Variants in POTEF observed in about 807,000 individuals in gnomAD.
POTEF encodes ANKRD26-like family C member 1B.
In POTEF, 20 loss-of-function variants were observed where a neutral mutation model predicts 83.2. The ratio of observed to expected loss-of-function variants is 0.24; its 90% CI spans 0.17 to 0.35. POTEF has a LOEUF of 0.35. Ranked by LOEUF, POTEF falls within the 10% of genes least tolerant of loss-of-function variation. The pLI is 1.00. For synonymous variants in POTEF, 196 were observed against 446.4 expected, an observed-to-expected ratio of 0.44 and a Z score of 7.07; for missense variants, 550 against 1,203.2, an observed-to-expected ratio of 0.46 and a Z score of 8.03.
chr2:130,127,887 G>GT (rs1166171522), intron 1 of POTEF, 23 bp from the exon 2 acceptor site: 1 of 145,380 alleles, frequency 6.9e-6, no homozygotes, highest in African/African-American at 2.6e-5. Context: ...GCAGGGAGTG[G>GT]TAACGTTAGA....
intron 7 of POTEF, among the ~76,000 whole-genome samples, chr2:130,108,999 G>T (rs1413258129): frequency 6.6e-6 from 1 of 151,180 alleles, no homozygotes; most frequent in South Asian, 2.1e-4. Flanking sequence ...CTGACATTCT[G>T]TAATTTTCGA....
chr2:130,109,895 C>G (rs1684660672), intron 7 of POTEF, among the ~76,000 whole-genome samples: 1 of 151,348 alleles, frequency 6.6e-6, no homozygotes, highest in Middle Eastern at 3.4e-3. Context: ...GGAACAATGG[C>G]TGAGCATATA....
At chr2:130,127,365 ACACACAGTCACC>A (rs1441382863) in intron 2 of POTEF, among the ~76,000 whole-genome samples, 19 of 138,472 alleles carry the variant, frequency 1.4e-4, no homozygotes, top group African/African-American at 5.4e-4. Context: ...ACACACACAC[ACACACAGTCACC>A]CCCTAAATTT....
chr2:130,084,183 T>C (rs1318047885), intron 15 of POTEF, among the ~76,000 whole-genome samples: 2 of 87,210 alleles, frequency 2.3e-5, no homozygotes, highest in Non-Finnish European at 4.6e-5. Context: ...ATGAAGTCAC[T>C]GGAAAAATAT....
intron 11 of POTEF, among the ~76,000 whole-genome samples, chr2:130,094,707 GA>G (rs1484559263): frequency 4.6e-4 from 16 of 34,678 alleles, no homozygotes; most frequent in African/African-American, 1.9e-3. Flanking sequence ...TGAGGCAGGA[GA>G]AATGCATGAA....
intron 16 of POTEF, among the ~76,000 whole-genome samples, 155 bp downstream of exon 16, chr2:130,076,926 C>T (rs1160449038): frequency 6.7e-6 from 1 of 148,192 alleles, no homozygotes; most frequent in African/African-American, 2.6e-5. Context: ...AAGAACATGG[C>T]TTTATCCTAT....
intron 2 of POTEF, among the ~76,000 whole-genome samples, chr2:130,127,324 C>CAAAAA (rs57173649): frequency 1.6e-4 from 2 of 12,442 alleles, no homozygotes; most frequent in Non-Finnish European, 2.7e-4. Flanking sequence ...GACTCTGTCT[C>CAAAAA]AAAAAAAAAA....
At chr2:130,113,289 C>T (rs1276981154) in intron 5 of POTEF, among the ~76,000 whole-genome samples, 4 of 115,054 alleles carry the variant, frequency 3.5e-5, no homozygotes, top group Non-Finnish European at 7.2e-5. Context: ...CTGCAGTGAG[C>T]TGTGATCACA....
intron 8 of POTEF, 54 bp downstream of exon 8, chr2:130,107,955 T>C: frequency 6.2e-7 from 1 of 1,606,504 alleles, no homozygotes; most frequent in African/African-American, 1.4e-5. Context: ...CGGTCCCTGG[T>C]GTCAAAAAGA....
intron 8 of POTEF, among the ~76,000 whole-genome samples, chr2:130,103,957 T>C (rs1478716062): frequency 7.1e-6 from 1 of 139,866 alleles, no homozygotes; most frequent in Non-Finnish European, 1.5e-5. Flanking sequence ...AGTCAGATTA[T>C]GAAAGCCTTA....
chr2:130,127,111 G>A (rs1653043510), intron 2 of POTEF, among the ~76,000 whole-genome samples: 1 of 151,674 alleles, frequency 6.6e-6, no homozygotes. Context: ...CATGAGGTCA[G>A]GTGATCTAGA....
chr2:130,102,267 CA>C, intron 8 of POTEF, 87 bp from the exon 9 acceptor site: 1 of 1,260,120 alleles, frequency 7.9e-7, no homozygotes, highest in Non-Finnish European at 1.1e-6. Flanking sequence ...TTTAAGACAA[CA>C]TTTTATTTCA....
intron 7 of POTEF, chr2:130,109,498 T>C (rs561365138): frequency 1.3e-5 from 2 of 149,668 alleles, no homozygotes; most frequent in African/African-American, 5.1e-5. Flanking sequence ...ATCATGTAAA[T>C]CAGATCACTC....
At chr2:130,115,979 A>G (rs1230248589) in intron 3 of POTEF, among the ~76,000 whole-genome samples, 1 of 152,086 alleles carries the variant, frequency 6.6e-6, no homozygotes, top group Non-Finnish European at 1.5e-5. Flanking sequence ...GCATAAAATA[A>G]TGGGGCATCA....
chr2:130,113,873 C>CA (rs1355984741), intron 5 of POTEF, among the ~76,000 whole-genome samples: 1 of 151,162 alleles, frequency 6.6e-6, no homozygotes, highest in African/African-American at 2.4e-5. Flanking sequence ...AAGATTTGGC[C>CA]AAAAAGAGTA....
intron 3 of POTEF, among the ~76,000 whole-genome samples, chr2:130,117,278 T>C (rs1188586479): frequency 6.6e-6 from 1 of 151,998 alleles, no homozygotes; most frequent in Admixed American, 6.5e-5. Flanking sequence ...CCTCTACTTC[T>C]GAAGAGGGTA....
At chr2:130,075,897 C>T (rs537422401) in intron 16 of POTEF, among the ~76,000 whole-genome samples, 1 of 151,012 alleles carries the variant, frequency 6.6e-6, no homozygotes, top group South Asian at 2.1e-4. Context: ...AGCCTTTTTT[C>T]TGAGTTACAA....
Position 130,103,098 on chromosome 2 carries a change from CTTTCT to C in POTEF, c.1127-923_1127-919del, listed in dbSNP as rs1299795913. 5.7e-3 allele frequency among the ~76,000 whole-genome samples: 701 copies of C among 122,466 alleles called. 14 individuals carry two copies. Among genetic ancestry groups the C allele is most frequent in the African/African-American group, 0.019 (614 of 32,218 alleles). 80.3% of individuals were successfully genotyped at this position (122,466 alleles called of 152,430 possible). Reference sequence around the variant, plus strand: ...GACACATTTATTTTCATTTTTCTTTCTTTCTTTTTTTTTTTTTTTTTGAGCCAGGG... The same window carrying C: ...GACACATTTATTTTCATTTTTCTTTCTTTTTTTTTTTTTTTTGAGCCAGGG... On this transcript the variant is annotated intron_variant, in intron 8 of 16. Coordinates refer to ENST00000409914, the MANE Select transcript of POTEF (RefSeq NM_001099771.2).
chr2:130,116,970 T>C (rs1292539350), intron 3 of POTEF, among the ~76,000 whole-genome samples: 2 of 138,430 alleles, frequency 1.4e-5, no homozygotes, highest in Non-Finnish European at 3.1e-5. Flanking sequence ...TGAGAGATAG[T>C]AGAATATGCC....
Sources: gnomAD v4.1 joint callset for allele counts (sites outside exome capture counted in the v4.1 genomes callset) on GRCh38, gnomAD v4.1.1 for gene constraint, MANE v1.5 for transcripts, NCBI Gene and HGNC (gene_info 2026-07-23, HGNC 2026-07-21) for gene names.